PPFIA1: variants seen among roughly 807,000 people sequenced by gnomAD.
The protein encoded by PPFIA1 is PPFI scaffold protein A1.
A neutral mutation model predicts 149.9 loss-of-function variants in PPFIA1; 25 were observed. That is an observed-to-expected ratio of 0.17 (90% CI 0.12 to 0.23). The LOEUF (loss-of-function observed/expected upper bound fraction) is 0.23, where lower values mean the gene tolerates loss of function less well. Among genes scored for constraint, PPFIA1 ranks in the 10% least tolerant of loss-of-function variants. PPFIA1 has a pLI of 1.00. For synonymous variants in PPFIA1, 549 were observed against 552.8 expected, an observed-to-expected ratio of 0.99 and a Z score of 0.10; for missense variants, 1,362 against 1,506.5, an observed-to-expected ratio of 0.90 and a Z score of 1.59.
At chr11:70,331,102 C>T (rs889836838) in intron 8 of PPFIA1, among the ~76,000 whole-genome samples, 8 of 151,652 alleles carry the variant, frequency 5.3e-5, no homozygotes, top group Non-Finnish European at 1.0e-4. Context: ...CTTGGTGGCG[C>T]GCATCTGTAA....
At chr11:70,335,350 C>G (rs1031538692) in intron 10 of PPFIA1, among the ~76,000 whole-genome samples, 1 of 152,130 alleles carries the variant, frequency 6.6e-6, no homozygotes, top group Admixed American at 6.5e-5. Flanking sequence ...GTGGGACCTT[C>G]TAGTTAATGA....
chr11:70,276,160 G>A (rs749160459), intron 2 of PPFIA1, among the ~76,000 whole-genome samples: 12 of 152,070 alleles, frequency 7.9e-5, no homozygotes, highest in Non-Finnish European at 1.2e-4. Flanking sequence ...AGCCCGGAGT[G>A]CAGTGGCACC....
At chr11:70,297,277 T>C (rs1465548173) in intron 2 of PPFIA1, among the ~76,000 whole-genome samples, 2 of 152,174 alleles carry the variant, frequency 1.3e-5, no homozygotes, top group African/African-American at 4.8e-5. Context: ...GGCGTGGTGG[T>C]GCGTGCTTGT....
chr11:70,368,952 C>CT (rs35915106), intron 21 of PPFIA1, among the ~76,000 whole-genome samples: 234 of 138,372 alleles, frequency 1.7e-3, no homozygotes, highest in South Asian at 4.4e-3. Flanking sequence ...CACAGTCAGT[C>CT]TTTTTTTTTT....
intron 21 of PPFIA1, among the ~76,000 whole-genome samples, chr11:70,370,129 T>G (rs1260977727): frequency 6.6e-6 from 1 of 151,642 alleles, no homozygotes; most frequent in Non-Finnish European, 1.5e-5. Flanking sequence ...TTTTGTACTT[T>G]TAGTAGAGAA....
intron 9 of PPFIA1, 100 bp from the exon 10 acceptor site, chr11:70,333,370 C>A: frequency 1.1e-6 from 1 of 879,042 alleles, no homozygotes; most frequent in Non-Finnish European, 1.9e-6. Flanking sequence ...GCGGAGCAGC[C>A]CACGCAGAGC....
In PPFIA1 at chr11:70,383,011, C is replaced by T. The variant is rs1468108732; in HGVS notation, c.*21C>T. 14 of 406,118 alleles carry T rather than the reference C, an allele frequency of 3.4e-5. No homozygotes were observed. In the Admixed American group the frequency reaches 4.6e-4, roughly 13 times the overall value. 25.2% of individuals were successfully genotyped at this position (406,118 alleles called of 1,614,324 possible). On this transcript the variant is annotated 3_prime_UTR_variant, in exon 28 of 28. Coordinates refer to ENST00000253925, the MANE Select transcript of PPFIA1 (RefSeq NM_003626.5). Reference sequence around the variant, plus strand: ...TTGTGTTTATTTTCCAGTTTACCCACACTACTTCTACAGATGATTATGCAG... The same window carrying T: ...TTGTGTTTATTTTCCAGTTTACCCATACTACTTCTACAGATGATTATGCAG...
intron 7 of PPFIA1, among the ~76,000 whole-genome samples, chr11:70,329,508 G>A (rs375021063): frequency 5.9e-5 from 9 of 151,924 alleles, no homozygotes; most frequent in Non-Finnish European, 8.8e-5. Flanking sequence ...GTGCAGTGGC[G>A]CCATCATAGC....
chr11:70,315,283 A>G (rs368296414), intron 2 of PPFIA1, among the ~76,000 whole-genome samples: 1 of 152,006 alleles, frequency 6.6e-6, no homozygotes, highest in East Asian at 1.9e-4. Context: ...AGATGATGAG[A>G]CCAAATTTTT....
intron 21 of PPFIA1, among the ~76,000 whole-genome samples, chr11:70,363,749 A>G (rs1250000529): frequency 1.8e-4 from 28 of 152,336 alleles, no homozygotes; most frequent in Non-Finnish European, 4.4e-5. Context: ...CCTGGCCTCC[A>G]GTAGTCCTCC....
rs2054309225 is a variant in PPFIA1 at position 70,326,665 on chromosome 11, A to G, written c.777A>G (p.Ile259Met). 1 of 1,614,076 alleles carries G rather than the reference A, an allele frequency of 6.2e-7. No homozygotes were observed. The highest frequency in any genetic ancestry group is 8.5e-7 in the Non-Finnish European group (1 of 1,180,028). The change falls in exon 7 of 28, where the codon ATA becomes ATG. Residue 259 changes from isoleucine to methionine, a missense_variant. By Grantham distance (10) the Ile-to-Met change is conservative (BLOSUM62 1). This residue lies in a region of PPFIA1 where 733 missense variants were observed against 744.1 expected (regional missense o/e 0.99). Transcript: ENST00000253925. ...LAKVIELQEI[I>M]SKQSREQSQM... Reference sequence around the variant, plus strand: ...AAGTAATTGAGCTCCAAGAAATCATAAGTAAGCAGTCAAGGGAACAGAGCC... The same window carrying G: ...AAGTAATTGAGCTCCAAGAAATCATGAGTAAGCAGTCAAGGGAACAGAGCC...
chr11:70,294,892 A>G (rs1174284316), intron 2 of PPFIA1, among the ~76,000 whole-genome samples: 2 of 151,598 alleles, frequency 1.3e-5, no homozygotes, highest in African/African-American at 2.4e-5. Context: ...GATCAACAGG[A>G]TCCCAAGGCA....
chr11:70,296,939 G>T (rs764602114), intron 2 of PPFIA1, among the ~76,000 whole-genome samples: 1 of 152,164 alleles, frequency 6.6e-6, no homozygotes, highest in Non-Finnish European at 1.5e-5. Flanking sequence ...TCACAGACTC[G>T]TGGTGAAGAT....
At chr11:70,334,986 CAT>C (rs1332072382) in intron 10 of PPFIA1, among the ~76,000 whole-genome samples, 13 of 152,144 alleles carry the variant, frequency 8.5e-5, no homozygotes, top group African/African-American at 2.4e-4. Flanking sequence ...AAATAATAGA[CAT>C]GTCAGTTTTG....
At chr11:70,329,473 A>T (rs1382575640) in intron 7 of PPFIA1, among the ~76,000 whole-genome samples, 1 of 151,892 alleles carries the variant, frequency 6.6e-6, no homozygotes, top group Non-Finnish European at 1.5e-5. Context: ...TTGAGACAGG[A>T]TCTCTCTCTG....
At chr11:70,340,551 A>G (rs2055267117) in intron 14 of PPFIA1, among the ~76,000 whole-genome samples, 1 of 152,182 alleles carries the variant, frequency 6.6e-6, no homozygotes, top group Admixed American at 6.5e-5. Flanking sequence ...ATTTGTTTCA[A>G]TACACGCAAG....
rs139383643 is a variant in PPFIA1, at chr11:70,337,349, A to C, written c.1429-16A>C. On this transcript the variant is annotated splice_polypyrimidine_tract_variant and intron_variant, in intron 11 of 27. Transcript: ENST00000253925. ...CATTTTAAAGAAACACTAAAGGACT[A>C]TCTGTCTTTTTTCAGAACTCTCTTT... The C allele has an allele frequency of 1.9e-4, 297 of 1,558,854 alleles. 3 individuals are homozygous for C. The East Asian group carries it at 6.7e-3, about 35-fold the overall frequency.
chr11:70,300,233 C>T (rs2052392006), intron 2 of PPFIA1, among the ~76,000 whole-genome samples: 1 of 152,206 alleles, frequency 6.6e-6, no homozygotes, highest in African/African-American at 2.4e-5. Context: ...CCCCTCAAAG[C>T]CAAAGTCAAG....
intron 2 of PPFIA1, among the ~76,000 whole-genome samples, chr11:70,279,964 A>C (rs186816255): frequency 5.2e-4 from 74 of 143,528 alleles, no homozygotes; most frequent in African/African-American, 1.9e-3. Context: ...GCTGTAGTGT[A>C]GTGGTGCAGT....
Sources: allele counts gnomAD v4.1 joint callset (sites outside exome capture counted in the v4.1 genomes callset), GRCh38; gene constraint gnomAD v4.1.1; regional missense constraint gnomAD v4.1.1; transcripts MANE v1.5; gene names NCBI Gene and HGNC (gene_info 2026-07-23, HGNC 2026-07-21).